STAU1: variants seen among roughly 807,000 people sequenced by gnomAD.
STAU1 encodes the protein double-stranded RNA-binding protein Staufen homolog 1.
Under a neutral mutation model 62.9 loss-of-function variants are expected in STAU1, and 13 were observed. That is an observed-to-expected ratio of 0.21 (90% CI 0.13 to 0.33). The LOEUF (loss-of-function observed/expected upper bound fraction) is 0.33, where lower values mean the gene tolerates loss of function less well. STAU1 is among the 10% of genes least tolerant of loss of function. The probability of loss-of-function intolerance (pLI) is 1.00; values close to 1 mark genes in which losing one functional copy is unlikely to be tolerated. For missense variants in STAU1, 571 were observed against 712.1 expected (o/e 0.80, Z 2.25); for synonymous variants, 269 against 265.1 (o/e 1.01, Z -0.14).
intron 1 of STAU1, among the ~76,000 whole-genome samples, chr20:49,187,744 G>A (rs899247247): frequency 1.3e-5 from 2 of 149,474 alleles, no homozygotes; most frequent in Admixed American, 6.8e-5. Context: ...ACACTGAGAG[G>A]CTCCAGCCCT....
chr20:49,158,595 A>G, intron 3 of STAU1: 1 of 1,012,872 alleles, frequency 9.9e-7, no homozygotes, highest in Non-Finnish European at 1.4e-6. Context: ...AGATCACTTG[A>G]GGTCAGGAGT....
In STAU1 at chr20:49,143,852, A is replaced by G. The variant is rs2093063542; in HGVS notation, c.510+7730T>C. Among the ~76,000 whole-genome samples, 3 of 152,290 alleles carry G rather than the reference A, an allele frequency of 2.0e-5. No individual in the cohort carries two copies. The East Asian group carries it at 5.8e-4, about 29-fold the overall frequency. On this transcript the variant is annotated intron_variant, in intron 5 of 13. Transcript: ENST00000371856. Reference sequence around the variant, plus strand: ...TGTTTCTAATTTGGAAGGCATATATACCTGAAAAAAAGCAAGGTCCTCTAT... The same window carrying G: ...TGTTTCTAATTTGGAAGGCATATATGCCTGAAAAAAAGCAAGGTCCTCTAT...
chr20:49,168,802 T>C (rs578009423), intron 2 of STAU1, among the ~76,000 whole-genome samples: 2 of 152,286 alleles, frequency 1.3e-5, no homozygotes, highest in African/African-American at 4.8e-5. Context: ...CCTACTGATA[T>C]TTAGTGGATA....
Position 49,123,140 on chromosome 20 carries a change from C to T in STAU1, c.918G>A (p.Thr306=), listed in dbSNP as rs528099011. Residue 306 remains threonine (T), a synonymous_variant, in exon 8 of 14, where the codon ACG becomes ACA. Coordinates refer to ENST00000371856, the MANE Select transcript of STAU1 (RefSeq NM_017453.4). ...GCGGGAGGCCTCGCTCTGTGAGGAG[C>T]GTGTACTCTGGCTCCTTCTCCTTTT... is the stretch of plus-strand genomic sequence containing the variant. ...QAKKEKEPEY[T]LLTERGLPRR... 19 of 1,613,986 alleles carry T rather than the reference C, an allele frequency of 1.2e-5. No homozygotes were observed. The highest frequency in any genetic ancestry group is 6.7e-5 in the Admixed American group (4 of 60,014).
At chr20:49,166,423 G>A (rs772710636) in intron 2 of STAU1, 138 bp from the exon 3 acceptor site, 47 of 547,598 alleles carry the variant, frequency 8.6e-5, no homozygotes, top group Middle Eastern at 4.9e-4. Flanking sequence ...TGATTTATTC[G>A]AAATATGTTT....
chr20:49,205,372 T>TG, the STAU1 span, among the ~76,000 whole-genome samples: 2 of 150,294 alleles, frequency 1.3e-5, no homozygotes, highest in East Asian at 3.9e-4. Flanking sequence ...AGTTTTTTTT[T>TG]TTTTTTTTTT....
intron 6 of STAU1, among the ~76,000 whole-genome samples, chr20:49,131,962 G>C (rs1015542352): frequency 2.0e-5 from 3 of 151,834 alleles, no homozygotes; most frequent in African/African-American, 7.3e-5. Context: ...AGATAGATTT[G>C]AAATTTTTGA....
rs1429453663 is a variant in STAU1, at chr20:49,114,560, C to T, written c.*318G>A. On this transcript the variant is annotated 3_prime_UTR_variant, in exon 14 of 14. Transcript: ENST00000371856. ...CACAGGGGAAAAAAAAGACCAAACA[C>T]GGAGGTGCCCAGGGTGTGGATCTGC... 8 of 356,080 alleles carry T rather than the reference C, an allele frequency of 2.2e-5. No homozygotes were observed. The highest frequency in any genetic ancestry group is 4.3e-5 in the Admixed American group (1 of 23,304). The allele number at this position is 356,080 out of a possible 1,614,324, so 22.1% of individuals were successfully genotyped here.
At chr20:49,128,753 C>T (rs1292225296) in intron 6 of STAU1, among the ~76,000 whole-genome samples, 2 of 104,918 alleles carry the variant, frequency 1.9e-5, no homozygotes, top group African/African-American at 4.0e-5. Context: ...ACAGTGCAGG[C>T]ACAATTAGAC....
At chr20:49,190,905 A>ATT (rs11477133), upstream of STAU1, among the ~76,000 whole-genome samples, 46,101 of 140,186 alleles carry the variant, frequency 0.33, 8,475 homozygotes, top group Middle Eastern at 0.46. Flanking sequence ...GAGATGCTGA[A>ATT]TTTTTTTTTT....
upstream of STAU1, among the ~76,000 whole-genome samples, chr20:49,192,369 CAA>C (rs369691605): frequency 1.9e-3 from 271 of 144,350 alleles, 1 homozygote; most frequent in African/African-American, 6.6e-3. Flanking sequence ...AAAGAAAAAA[CAA>C]GAGAAAAAAG....
intron 1 of STAU1, among the ~76,000 whole-genome samples, chr20:49,182,649 T>G (rs889502220): frequency 6.6e-6 from 1 of 152,074 alleles, no homozygotes; most frequent in Admixed American, 6.6e-5. Flanking sequence ...CCATTCTAGC[T>G]AACACGGTGA....
chr20:49,129,480 G>T (rs2092706414), intron 6 of STAU1, among the ~76,000 whole-genome samples: 1 of 151,300 alleles, frequency 6.6e-6, no homozygotes, highest in African/African-American at 2.4e-5. Context: ...TAGAGAAGGG[G>T]TTACGCTATG....
intron 3 of STAU1, chr20:49,159,144 A>G: frequency 2.8e-6 from 3 of 1,078,498 alleles, no homozygotes; most frequent in Non-Finnish European, 3.4e-6. Flanking sequence ...GAAGGGGAAA[A>G]AGCTAAAAAA....
At chr20:49,166,676 C>T (rs1268636659) in intron 2 of STAU1, among the ~76,000 whole-genome samples, 6 of 152,120 alleles carry the variant, frequency 3.9e-5, no homozygotes, top group Non-Finnish European at 8.8e-5. Context: ...CTCAAAATTA[C>T]AAGAAACTGA....
At chr20:49,215,429 AC>A in the STAU1 span, among the ~76,000 whole-genome samples, 1 of 152,072 alleles carries the variant, frequency 6.6e-6, no homozygotes, top group Admixed American at 6.6e-5. Context: ...CAATTTCTTC[AC>A]CTGTAAAATG....
intron 6 of STAU1, 156 bp from the exon 7 acceptor site, chr20:49,124,743 C>T (rs1408380268): frequency 1.8e-5 from 13 of 734,750 alleles, no homozygotes; most frequent in Admixed American, 1.1e-4. Context: ...AATGCTTTCT[C>T]GCCTTTCTTC....
chr20:49,155,452 G>A (rs1169722626), intron 3 of STAU1, among the ~76,000 whole-genome samples: 1 of 151,966 alleles, frequency 6.6e-6, no homozygotes. Context: ...AAGAAAACCA[G>A]CCTGGAAAGA....
Position 49,177,342 on chromosome 20 carries a change from C to T in STAU1, c.-159-3073G>A, listed in dbSNP as rs945506094. ...CTTGAGCTCAGGTGTTTGAGACCAG[C>T]CTGGGCAACATGGCAAGACCCTGTC... On this transcript the variant is annotated intron_variant, in intron 1 of 13. Coordinates refer to ENST00000371856, the MANE Select transcript of STAU1 (RefSeq NM_017453.4). Among the ~76,000 whole-genome samples the T allele has an allele frequency of 1.6e-4, 24 of 151,844 alleles. No individual in the cohort carries two copies. In the East Asian group the frequency reaches 4.7e-3, roughly 30 times the overall value.
Sources: gnomAD v4.1 joint callset for allele counts (sites outside exome capture counted in the v4.1 genomes callset) on GRCh38, gnomAD v4.1.1 for gene constraint, MANE v1.5 for transcripts, NCBI Gene and HGNC (gene_info 2026-07-23, HGNC 2026-07-21) for gene names.